UTP25: variants seen among roughly 807,000 people sequenced by gnomAD.
UTP25 encodes U3 small nucleolar RNA-associated protein 25 homolog.
In UTP25, 50 loss-of-function variants were observed where a neutral mutation model predicts 78.9. The observed-to-expected ratio is 0.63, with a 90% CI of 0.50 to 0.80. The LOEUF (loss-of-function observed/expected upper bound fraction) is 0.80. Ranked by LOEUF, UTP25 falls within the 30% of genes least tolerant of loss-of-function variation. The probability of loss-of-function intolerance (pLI) is 0.00; values close to 1 mark genes in which losing one functional copy is unlikely to be tolerated. For missense variants in UTP25, 846 were observed against 911.3 expected, an observed-to-expected ratio of 0.93 and a Z score of 0.92; for synonymous variants, 329 against 336.5, an observed-to-expected ratio of 0.98 and a Z score of 0.24.
chr1:209,838,600 T>C (rs540568986), intron 6 of UTP25, among the ~76,000 whole-genome samples: 41 of 152,056 alleles, frequency 2.7e-4, no homozygotes, highest in Non-Finnish European at 5.6e-4. Flanking sequence ...TGTCCTTGAG[T>C]TTTTACTGGT....
In UTP25 at chr1:209,837,025, G is replaced by A. The variant is rs757032063; in HGVS notation, c.876G>A (p.Leu292=). Residue 292 remains leucine, a synonymous_variant, in exon 6 of 12, where the codon CTG becomes CTA. Transcript: ENST00000491415. ...LFLIMNSYRD[L]FYPERTALKN... ...TAATTATGAATTCTTACCGGGACCTGTTCTACCCGGAAAGGACTGCTCTGA... is the reference window on the plus strand; with the variant it reads ...TAATTATGAATTCTTACCGGGACCTATTCTACCCGGAAAGGACTGCTCTGA... The A allele has an allele frequency of 1.2e-6, 2 of 1,614,020 alleles. No individual in the cohort carries two copies. The highest frequency in any genetic ancestry group is 2.2e-5 in the East Asian group (1 of 44,890).
At chr1:209,832,251 A>G (rs1558051575) in intron 3 of UTP25, among the ~76,000 whole-genome samples, 1 of 152,148 alleles carries the variant, frequency 6.6e-6, no homozygotes, top group Non-Finnish European at 1.5e-5. Flanking sequence ...AGCATTGTAT[A>G]TAACCTTTCA....
intron 11 of UTP25, among the ~76,000 whole-genome samples, chr1:209,848,451 T>C (rs917191894): frequency 2.0e-5 from 3 of 152,196 alleles, no homozygotes; most frequent in Non-Finnish European, 4.4e-5. Context: ...AGCTTCCTTT[T>C]AGTGGGCATA....
At chr1:209,829,079 T>C (rs1307539356) in intron 1 of UTP25, among the ~76,000 whole-genome samples, 1 of 152,176 alleles carries the variant, frequency 6.6e-6, no homozygotes, top group African/African-American at 2.4e-5. Context: ...TGGCCTGTTT[T>C]TATAATTATT....
intron 11 of UTP25, among the ~76,000 whole-genome samples, chr1:209,847,204 A>G (rs1330599628): frequency 1.3e-5 from 2 of 152,154 alleles, no homozygotes; most frequent in Admixed American, 1.3e-4. Context: ...TTAAGTTACT[A>G]TATATAGCTC....
intron 4 of UTP25, 102 bp from the exon 5 acceptor site, chr1:209,834,973 G>GA (rs2078125190): frequency 2.3e-6 from 2 of 851,942 alleles, no homozygotes; most frequent in African/African-American, 3.5e-5. Flanking sequence ...TGGAGAAAAG[G>GA]ATGAGTTAAC....
intron 1 of UTP25, 42 bp downstream of exon 1, chr1:209,828,212 T>A (rs547151794): frequency 1.3e-6 from 2 of 1,492,752 alleles, no homozygotes; most frequent in Admixed American, 1.7e-5. Flanking sequence ...GCCAGAGATG[T>A]ATCCTCGAGT....
Position 209,856,596 on chromosome 1 carries a change from A to G in UTP25, c.*5149A>G, listed in dbSNP as rs2078277925. 1 of 152,268 alleles carries G rather than the reference A, an allele frequency of 6.6e-6. No individual in the cohort carries two copies. The highest frequency in any genetic ancestry group is 2.4e-5 in the African/African-American group (1 of 41,456). 9.4% of individuals were successfully genotyped at this position (152,268 alleles called of 1,614,324 possible). A position where few individuals can be genotyped will look rare whatever the true frequency, so the allele number is the denominator to read the frequency against. The stretch of plus-strand genomic sequence containing the variant: ...TCCTGTGCACTACTGTTACGTGAAC[A>G]CACAAACACCTAATTTGTTTAAGCC... On this transcript the variant is annotated 3_prime_UTR_variant, in exon 12 of 12. Coordinates refer to ENST00000491415, the MANE Select transcript of UTP25 (RefSeq NM_014388.7).
chr1:209,840,623 G>A (rs1303212205), intron 7 of UTP25, among the ~76,000 whole-genome samples: 1 of 152,186 alleles, frequency 6.6e-6, no homozygotes, highest in Non-Finnish European at 1.5e-5. Context: ...GGAGCAGTTT[G>A]ATAGTGACGG....
At chr1:209,830,050 C>G in intron 1 of UTP25, 58 bp from the exon 2 acceptor site, 2 of 1,473,800 alleles carry the variant, frequency 1.4e-6, no homozygotes, top group Non-Finnish European at 1.9e-6. Context: ...CTCATTTGAC[C>G]TTTTCCTAAT....
Position 209,841,637 on chromosome 1 carries a change from A to G in UTP25, c.1485+582A>G, listed in dbSNP as rs139628047. The stretch of plus-strand genomic sequence containing the variant: ...GCTTTGGAACAATCCTTATTTAGGA[A>G]CTATAGGTTTATTTTTCTAAGGCAT... On this transcript the variant is annotated intron_variant, in intron 8 of 11. Transcript: ENST00000491415. Among the ~76,000 whole-genome samples the G allele has an allele frequency of 2.8e-3, 425 of 152,282 alleles. 4 individuals are homozygous for G. Among genetic ancestry groups the G allele is most frequent in the African/African-American group, 9.7e-3 (404 of 41,552 alleles).
intron 5 of UTP25, among the ~76,000 whole-genome samples, chr1:209,835,728 T>C (rs1175026785): frequency 6.6e-6 from 1 of 152,164 alleles, no homozygotes; most frequent in African/African-American, 2.4e-5. Context: ...AGGGAATAAT[T>C]ATAGATATAC....
chr1:209,849,435 T>TCC, intron 11 of UTP25, among the ~76,000 whole-genome samples: 1 of 152,116 alleles, frequency 6.6e-6, no homozygotes, highest in East Asian at 1.9e-4. Context: ...TTACTGCCCT[T>TCC]CCCTTAAGGG....
intron 11 of UTP25, among the ~76,000 whole-genome samples, chr1:209,849,322 T>C (rs527482075): frequency 5.9e-5 from 9 of 152,084 alleles, no homozygotes; most frequent in Non-Finnish European, 1.3e-4. Context: ...CTTGTATCAG[T>C]GCAGGAACTT....
In UTP25 at chr1:209,844,949, A is replaced by G. The variant is rs945349008; in HGVS notation, c.2027+1253A>G. 2.0e-5 allele frequency among the ~76,000 whole-genome samples: 3 copies of G among 152,308 alleles called. No homozygotes were observed. In the South Asian group the frequency reaches 6.2e-4, roughly 32 times the overall value. On this transcript the variant is annotated intron_variant, in intron 11 of 11. Coordinates refer to ENST00000491415, the MANE Select transcript of UTP25 (RefSeq NM_014388.7). ...ATTTAAGTTCTGACTTTACTGTTTTATTAACTCACAATGGGTGCATTTTCT... is the reference window on the plus strand; with the variant it reads ...ATTTAAGTTCTGACTTTACTGTTTTGTTAACTCACAATGGGTGCATTTTCT...
At position 209,857,551 on chromosome 1, in the gene UTP25, T is replaced by TA. The variant is rs2078287250; in HGVS notation, c.*6104_*6105insA. The TA allele has an allele frequency of 6.6e-6, 1 of 152,146 alleles. No homozygotes were observed. Among genetic ancestry groups the TA allele is most frequent in the South Asian group, 2.1e-4 (1 of 4,828 alleles). 9.4% of individuals were successfully genotyped at this position (152,146 alleles called of 1,614,324 possible). Reference sequence around the variant, plus strand: ...ATATATATGCTTTTGCATTAAAAGGTGGTTTTGAAGGTAACATTTTTTGGA... The same window carrying TA: ...ATATATATGCTTTTGCATTAAAAGGTAGGTTTTGAAGGTAACATTTTTTGGA... On this transcript the variant is annotated 3_prime_UTR_variant, in exon 12 of 12. Transcript: ENST00000491415.
chr1:209,840,972 G>A lies in UTP25; in HGVS notation c.1402G>A (p.Asp468Asn), dbSNP rs371048632. 1 of 1,614,112 alleles carries A rather than the reference G, an allele frequency of 6.2e-7. No individual in the cohort carries two copies. The highest frequency in any genetic ancestry group is 2.2e-5 in the East Asian group (1 of 44,886). ...IIGGEGEKKRDFDFLSSIELL... is the reference protein window; with the variant it reads ...IIGGEGEKKRNFDFLSSIELL... The stretch of plus-strand genomic sequence containing the variant: ...TGGTGGAGAAGGAGAGAAGAAGAGA[G>A]ATTTTGACTTTCTGTCTTCTATCGA... Residue 468 changes from aspartate (D) to asparagine (N), a missense_variant, in exon 8 of 12, where the codon GAT (aspartate) becomes AAT (asparagine). Transcript: ENST00000491415.
intron 1 of UTP25, 39 bp downstream of exon 1, chr1:209,828,209 A>G: frequency 2.6e-6 from 4 of 1,516,782 alleles, no homozygotes; most frequent in Non-Finnish European, 3.7e-6. Flanking sequence ...GTCGCCAGAG[A>G]TGTATCCTCG....
intron 11 of UTP25, among the ~76,000 whole-genome samples, chr1:209,845,599 G>C (rs2078192650): frequency 6.6e-6 from 1 of 152,206 alleles, no homozygotes; most frequent in South Asian, 2.1e-4. Flanking sequence ...TGCCCTCAAA[G>C]TCACGATAAG....
Sources: gnomAD v4.1 joint callset for allele counts (sites outside exome capture counted in the v4.1 genomes callset) on GRCh38, gnomAD v4.1.1 for gene constraint, MANE v1.5 for transcripts, NCBI Gene and HGNC (gene_info 2026-07-23, HGNC 2026-07-21) for gene names.